Variants in UCK2 observed in about 807,000 individuals in gnomAD.
UCK2 encodes the protein cytidine monophosphokinase 2.
UCK2 carries 6 observed loss-of-function variants against 30.8 expected under a neutral mutation model. The ratio of observed to expected loss-of-function variants is 0.19; its 90% confidence interval spans 0.11 to 0.38. The LOEUF (loss-of-function observed/expected upper bound fraction) is 0.38. Ranked by LOEUF, UCK2 falls within the 10% of genes least tolerant of loss-of-function variation. UCK2 has a pLI of 1.00. For missense variants in UCK2, 210 were observed against 339.8 expected (o/e 0.62, Z 3.00); for synonymous variants, 125 against 133.6 (o/e 0.94, Z 0.45).
At position 165,908,555 on chromosome 1, in the gene UCK2, C is replaced by T. The variant is rs1647751960; in HGVS notation, c.*732C>T. 1.3e-5 allele frequency: 2 copies of T among 152,020 alleles called. No homozygotes were observed. Among genetic ancestry groups the T allele is most frequent in the South Asian group, 4.2e-4 (2 of 4,814 alleles). The allele number at this position is 152,020 out of a possible 1,614,324, so 9.4% of individuals were successfully genotyped here. On this transcript the variant is annotated 3_prime_UTR_variant, in exon 7 of 7. Transcript: ENST00000367879. ...TCCTGCCCTGCTCCCACCTTCTCGC[C>T]TCTGGCTGCTTGGATAGCTTGGTGA...
intron 1 of UCK2, among the ~76,000 whole-genome samples, chr1:165,856,715 C>T (rs941211438): frequency 3.3e-5 from 5 of 152,032 alleles, no homozygotes; most frequent in African/African-American, 1.2e-4. Flanking sequence ...AATTGTTCAC[C>T]TTCCTAAGTC....
At chr1:165,864,240 G>A (rs191294819) in intron 1 of UCK2, among the ~76,000 whole-genome samples, 10 of 152,144 alleles carry the variant, frequency 6.6e-5, no homozygotes, top group Non-Finnish European at 1.3e-4. Context: ...GAGCCACCGC[G>A]CCCAGCCGGG....
chr1:165,833,619 T>G (rs1654111409), intron 1 of UCK2, among the ~76,000 whole-genome samples: 1 of 152,176 alleles, frequency 6.6e-6, no homozygotes, highest in African/African-American at 2.4e-5. Context: ...TTCATGTCAT[T>G]TCTTTGTCAA....
Position 165,851,671 on chromosome 1 carries a change from G to A in UCK2, c.99+23739G>A, listed in dbSNP as rs572171587. Among the ~76,000 whole-genome samples the A allele has an allele frequency of 1.0e-3, 155 of 152,064 alleles. 2 individuals are homozygous for A. In the Middle Eastern group the frequency reaches 0.034, roughly 33 times the overall value. On this transcript the variant is annotated intron_variant, in intron 1 of 6. Transcript: ENST00000367879. ...AATGGGATACATGTGCAGAACGTGCGGGTTTGTTATATAGATATACGTGTG... is the reference window on the plus strand; with the variant it reads ...AATGGGATACATGTGCAGAACGTGCAGGTTTGTTATATAGATATACGTGTG...
intron 1 of UCK2, among the ~76,000 whole-genome samples, chr1:165,852,632 G>T (rs998806765): frequency 6.6e-6 from 1 of 152,176 alleles, no homozygotes; most frequent in Admixed American, 6.5e-5. Context: ...GTAAATTAGT[G>T]CTTATGGTTT....
At chr1:165,850,344 G>C (rs966258520) in intron 1 of UCK2, among the ~76,000 whole-genome samples, 1 of 152,066 alleles carries the variant, frequency 6.6e-6, no homozygotes, top group Non-Finnish European at 1.5e-5. Flanking sequence ...TGGTCAGGCT[G>C]GTCTCAAACT....
chr1:165,899,380 A>G (rs373766796), intron 4 of UCK2, among the ~76,000 whole-genome samples: 62 of 152,290 alleles, frequency 4.1e-4, no homozygotes, highest in African/African-American at 1.5e-3. Context: ...TTCCTCATCC[A>G]TCATTCTCTG....
chr1:165,907,245 ATT>A (rs1553201593), intron 6 of UCK2, among the ~76,000 whole-genome samples: 1 of 152,142 alleles, frequency 6.6e-6, no homozygotes, highest in African/African-American at 2.4e-5. Context: ...TCTGCATTAT[ATT>A]TTTTGGAGGG....
At chr1:165,836,927 C>T (rs1171139253) in intron 1 of UCK2, among the ~76,000 whole-genome samples, 2 of 152,126 alleles carry the variant, frequency 1.3e-5, no homozygotes, top group African/African-American at 4.8e-5. Context: ...TTTGCTGTGT[C>T]ATGGTCATCC....
chr1:165,890,381 G>A lies in UCK2; in HGVS notation c.259+18G>A, dbSNP rs201723316. ...CCACCCGGGTGAGTCGGGCATTGAA[G>A]GGGGTATGTATCTGTATTGGTGTGT... On this transcript the variant is annotated intron_variant, in intron 2 of 6. Transcript: ENST00000367879. 5,269 of 1,613,208 alleles carry A rather than the reference G, an allele frequency of 3.3e-3. 17 individuals carry two copies. The highest frequency in any genetic ancestry group is 4.3e-3 in the Middle Eastern group (26 of 6,062).
chr1:165,855,079 G>C (rs1654707114), intron 1 of UCK2, among the ~76,000 whole-genome samples: 1 of 152,212 alleles, frequency 6.6e-6, no homozygotes, highest in African/African-American at 2.4e-5. Flanking sequence ...GCCTTAAATT[G>C]TAAGGAGTGC....
intron 1 of UCK2, among the ~76,000 whole-genome samples, chr1:165,838,843 G>A (rs1427641398): frequency 6.6e-6 from 1 of 151,968 alleles, no homozygotes; most frequent in African/African-American, 2.4e-5. Flanking sequence ...AGGTCAGGAG[G>A]TCGAGACCAG....
chr1:165,899,094 T>G (rs570212354), intron 4 of UCK2, among the ~76,000 whole-genome samples: 1 of 152,310 alleles, frequency 6.6e-6, no homozygotes, highest in African/African-American at 2.4e-5. Flanking sequence ...CCTGGAGACT[T>G]GAGTTAGCTC....
At chr1:165,875,835 A>G (rs923844257) in intron 1 of UCK2, among the ~76,000 whole-genome samples, 10 of 152,190 alleles carry the variant, frequency 6.6e-5, no homozygotes, top group Admixed American at 4.6e-4. Context: ...GTGTTCAGCT[A>G]TCCGGAAACT....
chr1:165,900,412 A>G (rs916784758), intron 4 of UCK2: 16 of 152,244 alleles, frequency 1.1e-4, no homozygotes, highest in African/African-American at 3.9e-4. Flanking sequence ...TTAAGATTCA[A>G]AGAGGTTAAA....
rs546636679 is a variant in UCK2 at position 165,874,620 on chromosome 1, C to G, written c.100-15584C>G. 7.9e-4 allele frequency among the ~76,000 whole-genome samples: 120 copies of G among 152,262 alleles called. 1 individual carries two copies. The highest frequency in any genetic ancestry group is 3.4e-3 in the Middle Eastern group (1 of 294). ...CTCTCAGATTTCTTAGCCTGGAACTCCAAACCAACACTCTTCTCATTCTTA... is the reference window on the plus strand; with the variant it reads ...CTCTCAGATTTCTTAGCCTGGAACTGCAAACCAACACTCTTCTCATTCTTA... On this transcript the variant is annotated intron_variant, in intron 1 of 6. Coordinates refer to ENST00000367879, the MANE Select transcript of UCK2 (RefSeq NM_012474.5).
intron 1 of UCK2, among the ~76,000 whole-genome samples, chr1:165,865,575 G>T (rs1284481299): frequency 6.6e-6 from 1 of 152,022 alleles, no homozygotes; most frequent in Non-Finnish European, 1.5e-5. Flanking sequence ...TACGAAGATA[G>T]ACTTCCTATA....
chr1:165,903,350 C>A, intron 5 of UCK2, 71 bp downstream of exon 5: 1 of 1,404,030 alleles, frequency 7.1e-7, no homozygotes, highest in Non-Finnish European at 9.9e-7. Flanking sequence ...CGAAGGTGTG[C>A]AAGTTTGTGG....
chr1:165,886,597 A>G (rs1458953971), intron 1 of UCK2, among the ~76,000 whole-genome samples: 2 of 152,196 alleles, frequency 1.3e-5, no homozygotes, highest in African/African-American at 2.4e-5. Flanking sequence ...GCCCAGCTGA[A>G]TTATTCTTAA....
Sources: allele counts gnomAD v4.1 joint callset (sites outside exome capture counted in the v4.1 genomes callset), GRCh38; gene constraint gnomAD v4.1.1; transcripts MANE v1.5; gene names NCBI Gene and HGNC (gene_info 2026-07-23, HGNC 2026-07-21).